The following BMPR1B variants were observed in gnomAD, a reference collection of about 807,000 sequenced individuals.
BMPR1B encodes bone morphogenetic protein receptor type 1B, also known as bone morphogenetic protein receptor type-1B.
BMPR1B carries 12 observed loss-of-function variants against 59.1 expected under a neutral mutation model. The observed-to-expected ratio is 0.20, with a 90% confidence interval of 0.13 to 0.33. BMPR1B has a LOEUF of 0.33. Ranked by LOEUF, BMPR1B falls within the 10% of genes least tolerant of loss-of-function variation. The pLI is 1.00. For missense variants in BMPR1B, 550 were observed against 610.9 expected, an observed-to-expected ratio of 0.90 and a Z score of 1.05; for synonymous variants, 237 against 207.3, an observed-to-expected ratio of 1.14 and a Z score of -1.23.
At chr4:94,936,369 G>A (rs1729297934) in intron 2 of BMPR1B, among the ~76,000 whole-genome samples, 1 of 152,182 alleles carries the variant, frequency 6.6e-6, no homozygotes, top group Admixed American at 6.5e-5. Flanking sequence ...TGGTGTAGTG[G>A]CCAAATAGGA....
rs1722838068 is a variant in BMPR1B, at chr4:95,006,425, G to A, written c.-18+10291G>A. Among the ~76,000 whole-genome samples, 2 of 149,184 alleles carry A rather than the reference G, an allele frequency of 1.3e-5. 1 individual carries two copies. Among genetic ancestry groups the A allele is most frequent in the South Asian group, 4.3e-4 (2 of 4,662 alleles). On this transcript the variant is annotated intron_variant, in intron 3 of 12. Coordinates refer to ENST00000515059, the MANE Select transcript of BMPR1B (RefSeq NM_001203.3). The stretch of plus-strand genomic sequence containing the variant: ...AATCCTTATAATAATTCTATGTGAT[G>A]GCTATTATTATCCCTATTTTAAAGG...
At chr4:94,791,054 C>A (rs946571935) in intron 1 of BMPR1B, among the ~76,000 whole-genome samples, 1 of 152,120 alleles carries the variant, frequency 6.6e-6, no homozygotes, top group Non-Finnish European at 1.5e-5. Flanking sequence ...GTGGCGTGAT[C>A]TCAGCTCACT....
chr4:94,954,648 A>G (rs964717916), intron 2 of BMPR1B, among the ~76,000 whole-genome samples: 2 of 152,158 alleles, frequency 1.3e-5, no homozygotes, highest in Non-Finnish European at 2.9e-5. Context: ...TCTATTTATG[A>G]GCTGAGTGAT....
At position 95,052,923 on chromosome 4, in the gene BMPR1B, C is replaced by T. The variant is rs146212098; in HGVS notation, c.-17-51485C>T. 3.4e-3 allele frequency among the ~76,000 whole-genome samples: 514 copies of T among 152,244 alleles called. 1 individual carries two copies. The highest frequency in any genetic ancestry group is 0.012 in the African/African-American group (494 of 41,550). ...TGTGTCTTAAGAATGTTCCAGGAAG[C>T]TCGAAGCATGATATATGTGAGGTAA... On this transcript the variant is annotated intron_variant, in intron 3 of 12. Coordinates refer to ENST00000515059, the MANE Select transcript of BMPR1B (RefSeq NM_001203.3).
intron 1 of BMPR1B, among the ~76,000 whole-genome samples, chr4:94,848,565 C>G (rs1188323559): frequency 1.3e-5 from 2 of 152,062 alleles, no homozygotes; most frequent in Non-Finnish European, 2.9e-5. Context: ...TAACAGGCAC[C>G]AAGATCATGA....
intron 3 of BMPR1B, among the ~76,000 whole-genome samples, chr4:95,090,164 T>C (rs1256152726): frequency 1.3e-5 from 2 of 152,062 alleles, no homozygotes; most frequent in East Asian, 1.9e-4. Flanking sequence ...ACATATCCTA[T>C]GCATATTTTT....
chr4:95,056,682 C>G (rs1388980386), intron 3 of BMPR1B, among the ~76,000 whole-genome samples: 1 of 152,160 alleles, frequency 6.6e-6, no homozygotes, highest in Non-Finnish European at 1.5e-5. Context: ...AGGATAAAAT[C>G]CAGATCTTTC....
intron 1 of BMPR1B, among the ~76,000 whole-genome samples, chr4:94,863,033 G>A (rs911395890): frequency 1.3e-5 from 2 of 151,658 alleles, no homozygotes; most frequent in South Asian, 2.1e-4. Context: ...CGGAAGAATC[G>A]CTTGACCTGG....
chr4:95,091,447 T>A, intron 3 of BMPR1B: 1 of 985,274 alleles, frequency 1.0e-6, no homozygotes, highest in African/African-American at 1.7e-5. Context: ...TGAGCTGTAT[T>A]AGGCAACCAC....
At chr4:95,145,283 T>C (rs1734559436) in intron 10 of BMPR1B, among the ~76,000 whole-genome samples, 1 of 152,224 alleles carries the variant, frequency 6.6e-6, no homozygotes, top group Non-Finnish European at 1.5e-5. Flanking sequence ...CTGCAGTACA[T>C]AGGATTATTG....
chr4:94,983,456 A>AAG (rs1411133043), intron 2 of BMPR1B, among the ~76,000 whole-genome samples: 1 of 152,212 alleles, frequency 6.6e-6, no homozygotes, highest in African/African-American at 2.4e-5. Flanking sequence ...TAATATTCAT[A>AAG]ATTACATCTT....
At chr4:94,933,443 A>G (rs191314842) in intron 2 of BMPR1B, among the ~76,000 whole-genome samples, 86 of 152,256 alleles carry the variant, frequency 5.6e-4, no homozygotes, top group African/African-American at 1.9e-3. Context: ...AAATGTAGTT[A>G]TGTTTGCATA....
At chr4:95,096,768 T>TATATA (rs1730420163) in intron 3 of BMPR1B, among the ~76,000 whole-genome samples, 1 of 137,614 alleles carries the variant, frequency 7.3e-6, no homozygotes, top group African/African-American at 2.7e-5. Context: ...TATATAACTA[T>TATATA]GTATAGTTAT....
intron 2 of BMPR1B, among the ~76,000 whole-genome samples, chr4:94,961,440 T>C (rs1439897635): frequency 6.6e-6 from 1 of 152,222 alleles, no homozygotes; most frequent in Non-Finnish European, 1.5e-5. Flanking sequence ...CATTTGTCTT[T>C]CTTTGAAAAT....
chr4:95,100,725 T>A (rs1579078678), intron 3 of BMPR1B, among the ~76,000 whole-genome samples: 1 of 152,276 alleles, frequency 6.6e-6, no homozygotes, highest in Non-Finnish European at 1.5e-5. Flanking sequence ...CATCTTTGTA[T>A]TTTGTACTGT....
In BMPR1B at chr4:94,785,697, T is replaced by TA. The variant is rs1722740051; in HGVS notation, c.-183+27630dup. Among the ~76,000 whole-genome samples, 5 of 152,174 alleles carry TA rather than the reference T, an allele frequency of 3.3e-5. No individual in the cohort carries two copies. The South Asian group carries it at 1.0e-3, about 32-fold the overall frequency. ...CTCATTCCACATTCACAGAGAATAT[T>TA]ATGTTGAAAATTAACCCCAAGATAT... On this transcript the variant is annotated intron_variant, in intron 1 of 12. Coordinates refer to ENST00000515059, the MANE Select transcript of BMPR1B (RefSeq NM_001203.3).
At chr4:94,906,991 C>T (rs1331083760) in intron 2 of BMPR1B, among the ~76,000 whole-genome samples, 1 of 151,962 alleles carries the variant, frequency 6.6e-6, no homozygotes. Flanking sequence ...TTCCTGTCTC[C>T]ATATAGATAT....
intron 3 of BMPR1B, among the ~76,000 whole-genome samples, chr4:95,028,178 T>C (rs1229162470): frequency 6.6e-6 from 1 of 152,198 alleles, no homozygotes; most frequent in African/African-American, 2.4e-5. Flanking sequence ...CTCCCAGTTG[T>C]ATATAATGCC....
chr4:94,982,327 C>T (rs1409415193), intron 2 of BMPR1B, among the ~76,000 whole-genome samples: 2 of 151,664 alleles, frequency 1.3e-5, no homozygotes, highest in Non-Finnish European at 1.5e-5. Context: ...AACAAACAAA[C>T]CAAATATTCA....
Sources: gnomAD v4.1 joint callset for allele counts (sites outside exome capture counted in the v4.1 genomes callset) on GRCh38, gnomAD v4.1.1 for gene constraint, MANE v1.5 for transcripts, NCBI Gene and HGNC (gene_info 2026-07-23, HGNC 2026-07-21) for gene names.